The following PPARG variants were observed in gnomAD, a reference collection of about 807,000 sequenced individuals.
PPARG encodes peroxisome proliferator activated receptor gamma.
Under a neutral mutation model 39.2 loss-of-function variants are expected in PPARG, and 17 were observed. The observed-to-expected ratio is 0.43, with a 90% confidence interval of 0.30 to 0.65. The LOEUF (loss-of-function observed/expected upper bound fraction) is 0.65. PPARG is among the 30% of genes least tolerant of loss of function. The probability of loss-of-function intolerance (pLI) is 0.13; values close to 1 mark genes in which losing one functional copy is unlikely to be tolerated. For missense variants in PPARG, 406 were observed against 585.9 expected (o/e 0.69, Z 3.17); for synonymous variants, 223 against 215.7 (o/e 1.03, Z -0.30).
rs558855722 is a variant in PPARG at position 12,372,198 on chromosome 3, C to A, written c.-8-7506C>A. On this transcript the variant is annotated intron_variant, in intron 2 of 7. Transcript: ENST00000651735. ...CTCTTCATAGTACATCCCCTGCCCC[C>A]CTGCCTGCCTGGCACATTATAGGTA... 13 of 715,788 alleles carry A rather than the reference C, an allele frequency of 1.8e-5. No individual in the cohort carries two copies. The East Asian group carries it at 2.7e-4, about 15-fold the overall frequency. 44.3% of individuals were successfully genotyped at this position (715,788 alleles called of 1,614,324 possible). A position where few individuals can be genotyped will look rare whatever the true frequency, so the allele number is the denominator to read the frequency against.
intron 2 of PPARG, among the ~76,000 whole-genome samples, chr3:12,318,687 A>G (rs1574980733): frequency 6.6e-6 from 1 of 152,290 alleles, no homozygotes; most frequent in Non-Finnish European, 1.5e-5. Flanking sequence ...AATAAAGCCA[A>G]TTATGAGCTC....
Position 12,379,866 on chromosome 3 carries a change from C to G in PPARG, c.155C>G (p.Pro52Arg). 1 of 1,613,896 alleles carries G rather than the reference C, an allele frequency of 6.2e-7. No individual in the cohort carries two copies. The highest frequency in any genetic ancestry group is 8.5e-7 in the Non-Finnish European group (1 of 1,179,826). ...TCTACTCCACATTACGAAGACATTC[C>G]ATTCACAAGAACAGATCCAGTGGTT... ...SISTPHYEDI[P>R]FTRTDPVVAD... Residue 52 changes from proline to arginine, a missense_variant, in exon 3 of 8, where the codon CCA becomes CGA. Around this residue, in one of 2 missense-constraint regions of PPARG, gnomAD observed 131 missense variants for 127.9 expected, o/e 1.02. Coordinates refer to ENST00000651735, the MANE Select transcript of PPARG (RefSeq NM_138711.6).
At chr3:12,363,360 AC>A (rs1249933113) in intron 2 of PPARG, among the ~76,000 whole-genome samples, 1 of 152,236 alleles carries the variant, frequency 6.6e-6, no homozygotes, top group Non-Finnish European at 1.5e-5. Flanking sequence ...GCTCATAACC[AC>A]TAGAGATCTG....
intron 7 of PPARG, among the ~76,000 whole-genome samples, chr3:12,421,318 T>A (rs541387629): frequency 1.3e-4 from 20 of 152,206 alleles, no homozygotes; most frequent in African/African-American, 4.3e-4. Flanking sequence ...AACAATAACT[T>A]CCCTTGCACT....
intron 2 of PPARG, among the ~76,000 whole-genome samples, chr3:12,318,016 C>A (rs570942188): frequency 6.6e-6 from 1 of 152,070 alleles, no homozygotes; most frequent in Admixed American, 6.6e-5. Flanking sequence ...CTCTGTTGCT[C>A]AGGCTGGAGT....
At chr3:12,350,861 C>G (rs1281681621) in intron 2 of PPARG, among the ~76,000 whole-genome samples, 1 of 152,152 alleles carries the variant, frequency 6.6e-6, no homozygotes, top group South Asian at 2.1e-4. Flanking sequence ...TTTAAGAAAG[C>G]AAACCCGATG....
At chr3:12,390,079 A>G (rs1181563901) in intron 4 of PPARG, among the ~76,000 whole-genome samples, 5 of 152,238 alleles carry the variant, frequency 3.3e-5, no homozygotes, top group Non-Finnish European at 5.9e-5. Context: ...GTTTTAAGGA[A>G]AAGACAGTTA....
intron 6 of PPARG, among the ~76,000 whole-genome samples, chr3:12,416,087 A>G (rs1275775011): frequency 2.6e-5 from 4 of 152,254 alleles, no homozygotes; most frequent in Non-Finnish European, 5.9e-5. Flanking sequence ...CATTTTAAAA[A>G]TCAACAATCG....
intron 5 of PPARG, among the ~76,000 whole-genome samples, chr3:12,404,035 G>C (rs1413597543): frequency 6.6e-6 from 1 of 152,156 alleles, no homozygotes; most frequent in Non-Finnish European, 1.5e-5. Flanking sequence ...CCTAGCACCA[G>C]GGGCTGGGGT....
rs112322183 is a variant in PPARG at position 12,320,110 on chromosome 3, A to T, written c.-9+7657A>T. 1.8e-3 allele frequency among the ~76,000 whole-genome samples: 268 copies of T among 152,320 alleles called. 1 individual carries two copies. Among genetic ancestry groups the T allele is most frequent in the Admixed American group, 4.1e-3 (63 of 15,296 alleles). On this transcript the variant is annotated intron_variant, in intron 2 of 7. Transcript: ENST00000651735. Reference sequence around the variant, plus strand: ...AACTGCTCCCTTATGCTGCATACAGAGGTATTACATTTTGCAGTAAGGATT... The same window carrying T: ...AACTGCTCCCTTATGCTGCATACAGTGGTATTACATTTTGCAGTAAGGATT...
At chr3:12,379,650 G>A in intron 2 of PPARG, 54 bp from the exon 3 acceptor site, 1 of 1,470,198 alleles carries the variant, frequency 6.8e-7, no homozygotes, top group Non-Finnish European at 9.5e-7. Context: ...AACTCTGTGA[G>A]ATTGCTGTGT....
At chr3:12,324,421 T>C (rs1294953787) in intron 2 of PPARG, among the ~76,000 whole-genome samples, 2 of 152,142 alleles carry the variant, frequency 1.3e-5, no homozygotes, top group Non-Finnish European at 2.9e-5. Context: ...CAGGCAAGAA[T>C]AGATGTATAA....
Position 12,317,557 on chromosome 3 carries a change from A to G in PPARG, c.-9+5104A>G, listed in dbSNP as rs2067820. ...TAATCTTAGTGATAGCACGTAATTT[A>G]CTAAGCCAGTTTTTAGGTGGCTTCT... On this transcript the variant is annotated intron_variant, in intron 2 of 7. Transcript: ENST00000651735. Among the ~76,000 whole-genome samples the G allele has an allele frequency of 6.7e-3, 1,015 of 152,304 alleles. 16 individuals carry two copies. Among genetic ancestry groups the G allele is most frequent in the African/African-American group, 0.023 (960 of 41,564 alleles).
intron 5 of PPARG, among the ~76,000 whole-genome samples, chr3:12,403,209 C>A (rs9837762): frequency 1 from 151,024 of 151,030 alleles, 75,509 homozygotes; most frequent in Middle Eastern, 1. Flanking sequence ...GGGAGAATCG[C>A]TTGAACCCAG....
At chr3:12,353,842 A>G (rs140036104) in intron 2 of PPARG, among the ~76,000 whole-genome samples, 1 of 152,254 alleles carries the variant, frequency 6.6e-6, no homozygotes, top group African/African-American at 2.4e-5. Flanking sequence ...CCACTAGTAA[A>G]AATTGGCAAG....
intron 2 of PPARG, among the ~76,000 whole-genome samples, chr3:12,323,588 A>G (rs1025430977): frequency 7.2e-5 from 11 of 152,170 alleles, no homozygotes; most frequent in Non-Finnish European, 1.6e-4. Context: ...CATTGTCCCT[A>G]TTTGACAGGT....
chr3:12,393,171 G>C (rs899166578), intron 5 of PPARG, among the ~76,000 whole-genome samples: 2 of 147,290 alleles, frequency 1.4e-5, no homozygotes, highest in Admixed American at 1.4e-4. Flanking sequence ...AATGGCATAT[G>C]AGAATTTAGA....
chr3:12,328,214 G>A (rs1470612965), intron 2 of PPARG: 4 of 1,501,370 alleles, frequency 2.7e-6, no homozygotes, highest in Admixed American at 1.8e-5. Flanking sequence ...CCTACCTGGA[G>A]CGGAGCGTTA....
At chr3:12,378,788 G>A (rs747788511) in intron 2 of PPARG, among the ~76,000 whole-genome samples, 223 of 152,198 alleles carry the variant, frequency 1.5e-3, no homozygotes, top group Non-Finnish European at 1.7e-3. Flanking sequence ...ACTATAGTTA[G>A]TGATACTGTA....
Sources: gnomAD v4.1 joint callset for allele counts (sites outside exome capture counted in the v4.1 genomes callset) on GRCh38, gnomAD v4.1.1 for gene constraint, gnomAD v4.1.1 regional missense constraint, MANE v1.5 for transcripts, NCBI Gene and HGNC (gene_info 2026-07-23, HGNC 2026-07-21) for gene names.